ARHGAP15: variants seen among roughly 807,000 people sequenced by gnomAD.
The protein encoded by ARHGAP15 is Rho GTPase activating protein 15.
In ARHGAP15, 51 loss-of-function variants were observed where a neutral mutation model predicts 63.7. The ratio of observed to expected loss-of-function variants is 0.80; its 90% CI spans 0.64 to 1.01. The LOEUF (loss-of-function observed/expected upper bound fraction) is 1.01, where lower values mean the gene tolerates loss of function less well. Ranked by LOEUF, ARHGAP15 falls within the 50% of genes least tolerant of loss-of-function variation. ARHGAP15 has a pLI of 0.00. For missense variants in ARHGAP15, 560 were observed against 564.6 expected, an observed-to-expected ratio of 0.99 and a Z score of 0.08; for synonymous variants, 191 against 193.8, an observed-to-expected ratio of 0.99 and a Z score of 0.12.
intron 1 of ARHGAP15, among the ~76,000 whole-genome samples, chr2:143,149,115 C>T (rs1239214122): frequency 6.6e-6 from 1 of 151,966 alleles, no homozygotes; most frequent in Non-Finnish European, 1.5e-5. Flanking sequence ...CGGAGAAATA[C>T]TATTTATCTG....
chr2:143,605,121 T>C (rs1035244402), intron 11 of ARHGAP15, among the ~76,000 whole-genome samples: 26 of 151,990 alleles, frequency 1.7e-4, no homozygotes, highest in Non-Finnish European at 2.6e-4. Flanking sequence ...GTTGGCCAGG[T>C]GGGTCTTGAA....
intron 12 of ARHGAP15, among the ~76,000 whole-genome samples, chr2:143,630,738 A>G (rs1389682950): frequency 1.2e-4 from 18 of 152,126 alleles, no homozygotes; most frequent in Admixed American, 1.2e-3. Flanking sequence ...TTCCATTCAT[A>G]AGGTGAGCAT....
In ARHGAP15 at chr2:143,708,548, C is replaced by T. The variant is rs533387564; in HGVS notation, c.1244+5024C>T. Among the ~76,000 whole-genome samples, 104 of 152,248 alleles carry T rather than the reference C, an allele frequency of 6.8e-4. 4 individuals carry two copies. The South Asian group carries it at 0.021, about 31-fold the overall frequency. ...ACAAGCTACATCACACCCCCATTCT[C>T]ATACCCAATCCCCACTCTTTTCTGT... On this transcript the variant is annotated intron_variant, in intron 13 of 13. Transcript: ENST00000295095.
intron 2 of ARHGAP15, among the ~76,000 whole-genome samples, chr2:143,182,731 C>G (rs1262807545): frequency 6.6e-6 from 1 of 152,164 alleles, no homozygotes; most frequent in Non-Finnish European, 1.5e-5. Flanking sequence ...TCACGTGCAA[C>G]AGCTGGACTA....
At chr2:143,537,960 T>C (rs893721616) in intron 10 of ARHGAP15, among the ~76,000 whole-genome samples, 12 of 152,260 alleles carry the variant, frequency 7.9e-5, no homozygotes, top group African/African-American at 2.9e-4. Flanking sequence ...ATCTATAAAT[T>C]ACCTTGGGCA....
intron 11 of ARHGAP15, among the ~76,000 whole-genome samples, chr2:143,572,580 G>A (rs1375441556): frequency 6.6e-6 from 1 of 152,158 alleles, no homozygotes; most frequent in Non-Finnish European, 1.5e-5. Context: ...GGTAAATAGT[G>A]AGGATTTCCA....
At chr2:143,540,691 G>T (rs1279368388) in intron 10 of ARHGAP15, among the ~76,000 whole-genome samples, 1 of 152,218 alleles carries the variant, frequency 6.6e-6, no homozygotes, top group African/African-American at 2.4e-5. Flanking sequence ...CTTTAAGAAT[G>T]TTGAGTATTG....
At chr2:143,223,173 CATGTTGACCAAGTTGGTCTCAA>C (rs1693065616) in intron 4 of ARHGAP15, among the ~76,000 whole-genome samples, 1 of 152,004 alleles carries the variant, frequency 6.6e-6, no homozygotes, top group Admixed American at 6.6e-5. Flanking sequence ...TGGGTTTCGC[CATGTTGACCAAGTTGGTCTCAA>C]ACTCCTGACC....
chr2:143,452,164 C>T (rs370355194), intron 8 of ARHGAP15, among the ~76,000 whole-genome samples: 28 of 152,092 alleles, frequency 1.8e-4, no homozygotes, highest in Non-Finnish European at 3.7e-4. Context: ...CACAGAGAAT[C>T]GTCTGCTGTT....
rs539359978 is a variant in ARHGAP15, at chr2:143,396,203, G to A, written c.475-39398G>A. Among the ~76,000 whole-genome samples the A allele has an allele frequency of 4.6e-5, 7 of 151,974 alleles. No individual in the cohort carries two copies. The South Asian group carries it at 1.5e-3, about 32-fold the overall frequency. On this transcript the variant is annotated intron_variant, in intron 6 of 13. Transcript: ENST00000295095. Reference sequence around the variant, plus strand: ...ATTCTGTGTTTTTAGTTTTTTTTCTGAGTCTATTTTATTCCGCTGTGTTTG... The same window carrying A: ...ATTCTGTGTTTTTAGTTTTTTTTCTAAGTCTATTTTATTCCGCTGTGTTTG...
Position 143,325,419 on chromosome 2 carries a change from C to T in ARHGAP15, c.474+74819C>T, listed in dbSNP as rs191387783. Among the ~76,000 whole-genome samples, 305 of 152,118 alleles carry T rather than the reference C, an allele frequency of 2.0e-3. 1 individual carries two copies. The highest frequency in any genetic ancestry group is 7.1e-3 in the African/African-American group (293 of 41,540). On this transcript the variant is annotated intron_variant, in intron 6 of 13. Transcript: ENST00000295095. ...ATTTTAGTACAATTGTTTTTATATC[C>T]TGTCACAGGATGATGATGATAAATG...
chr2:143,628,252 A>C (rs1698915289), intron 12 of ARHGAP15, among the ~76,000 whole-genome samples: 1 of 152,032 alleles, frequency 6.6e-6, no homozygotes, highest in East Asian at 1.9e-4. Flanking sequence ...TTGATTCCAT[A>C]TCTTTGCTAT....
chr2:143,131,126 A>G (rs1399011535), intron 1 of ARHGAP15, among the ~76,000 whole-genome samples: 1 of 152,192 alleles, frequency 6.6e-6, no homozygotes, highest in Non-Finnish European at 1.5e-5. Flanking sequence ...TTAAATTAAA[A>G]TACACATATT....
At chr2:143,374,277 C>G (rs923784194) in intron 6 of ARHGAP15, among the ~76,000 whole-genome samples, 2 of 152,016 alleles carry the variant, frequency 1.3e-5, no homozygotes, top group African/African-American at 4.8e-5. Flanking sequence ...GGGATATTGT[C>G]ACTGGAATGT....
chr2:143,192,648 G>A (rs537873107), intron 2 of ARHGAP15, among the ~76,000 whole-genome samples: 305 of 152,322 alleles, frequency 2.0e-3, no homozygotes, highest in African/African-American at 7.0e-3. Context: ...TTGAAAGAGA[G>A]ATGCTATTTC....
At chr2:143,339,294 C>A (rs1356817452) in intron 6 of ARHGAP15, among the ~76,000 whole-genome samples, 1 of 152,092 alleles carries the variant, frequency 6.6e-6, no homozygotes, top group Non-Finnish European at 1.5e-5. Context: ...TCTCTTTTCT[C>A]TACTCCTGAG....
intron 10 of ARHGAP15, 189 bp downstream of exon 10, chr2:143,519,553 C>A: frequency 2.3e-6 from 1 of 444,370 alleles, no homozygotes; most frequent in South Asian, 2.9e-5. Flanking sequence ...ATTAGTAATT[C>A]TCACTAATGT....
chr2:143,535,950 G>A (rs563592063), intron 10 of ARHGAP15, among the ~76,000 whole-genome samples: 11 of 151,846 alleles, frequency 7.2e-5, no homozygotes, highest in Admixed American at 2.6e-4. Flanking sequence ...GATAATGTAT[G>A]TTTTTTTCAC....
chr2:143,477,485 A>C (rs1462931213), intron 8 of ARHGAP15, among the ~76,000 whole-genome samples: 1 of 152,148 alleles, frequency 6.6e-6, no homozygotes, highest in Admixed American at 6.5e-5. Context: ...TGTATTATAC[A>C]TTAGACATTG....
Sources: allele counts gnomAD v4.1 joint callset (sites outside exome capture counted in the v4.1 genomes callset), GRCh38; gene constraint gnomAD v4.1.1; transcripts MANE v1.5; gene names NCBI Gene and HGNC (gene_info 2026-07-23, HGNC 2026-07-21).